Variants in KDM3A observed in about 807,000 individuals in gnomAD.
KDM3A encodes the protein lysine demethylase 3A.
In KDM3A, 60 loss-of-function variants were observed where a neutral mutation model predicts 158.0. The observed-to-expected ratio is 0.38, with a 90% CI of 0.31 to 0.47. The LOEUF (loss-of-function observed/expected upper bound fraction) is 0.47. Ranked by LOEUF, KDM3A falls within the 20% of genes least tolerant of loss-of-function variation. KDM3A has a pLI of 0.99. For missense variants in KDM3A, 1,319 were observed against 1,574.3 expected (o/e 0.84, Z 2.74); for synonymous variants, 608 against 549.3 (o/e 1.11, Z -1.49).
chr2:86,442,368 G>T, intron 2 of KDM3A, 135 bp downstream of exon 2: 1 of 809,838 alleles, frequency 1.2e-6, no homozygotes, highest in East Asian at 2.7e-5. Flanking sequence ...CAGGAAGCTA[G>T]ATCTTGAAAG....
At chr2:86,452,006 A>G (rs1035536575) in intron 4 of KDM3A, among the ~76,000 whole-genome samples, 7 of 152,226 alleles carry the variant, frequency 4.6e-5, no homozygotes, top group East Asian at 1.9e-4. Flanking sequence ...ATATATTTGT[A>G]ACCCCAAATC....
In KDM3A at chr2:86,484,070, G is replaced by A; in HGVS notation, c.3006G>A (p.Gln1002=). 4 of 1,614,004 alleles carry A rather than the reference G, an allele frequency of 2.5e-6. No individual in the cohort carries two copies. Among genetic ancestry groups the A allele is most frequent in the Non-Finnish European group, 3.4e-6 (4 of 1,179,912 alleles). The change falls in exon 19 of 26, where the codon CAG becomes CAA. Residue 1002 remains glutamine (Q), a synonymous_variant. Transcript: ENST00000312912. Reference sequence around the variant, plus strand: ...CCTTCAGGAAAGAGTTTGGTGAGCAGGAAGTAGACCTAGTTAATTGTAGGA... The same window carrying A: ...CCTTCAGGAAAGAGTTTGGTGAGCAAGAAGTAGACCTAGTTAATTGTAGGA... ...PESFRKEFGE[Q]EVDLVNCRTN...
At chr2:86,479,191 A>G (rs553279155) in intron 15 of KDM3A, 3 of 153,642 alleles carry the variant, frequency 2.0e-5, no homozygotes, top group East Asian at 1.9e-4. Flanking sequence ...AATGTAAAAA[A>G]TGTTAATTTT....
chr2:86,456,355 A>G, intron 5 of KDM3A, 87 bp from the exon 6 acceptor site: 1 of 972,944 alleles, frequency 1.0e-6, no homozygotes, highest in Non-Finnish European at 1.5e-6. Flanking sequence ...TTTAAAAAAG[A>G]CTTAGGAAAA....
At chr2:86,478,810 T>TC in intron 15 of KDM3A, 75 bp downstream of exon 15, 1 of 1,453,830 alleles carries the variant, frequency 6.9e-7, no homozygotes, top group Non-Finnish European at 9.5e-7. Context: ...CCCAAGGATT[T>TC]CTATCAGTGC....
intron 20 of KDM3A, among the ~76,000 whole-genome samples, chr2:86,485,234 G>A (rs1674122551): frequency 6.6e-6 from 1 of 152,208 alleles, no homozygotes; most frequent in South Asian, 2.1e-4. Flanking sequence ...TTTAGGCCTG[G>A]CTGACTAATG....
chr2:86,475,085 C>A, intron 12 of KDM3A, 95 bp downstream of exon 12: 1 of 997,016 alleles, frequency 1.0e-6, no homozygotes. Context: ...TTTTTTTTCA[C>A]CCAGAAGTTT....
At position 86,490,948 on chromosome 2, in the gene KDM3A, T is replaced by TCCC; in HGVS notation, c.3641_3642insCCC (p.Leu1214delinsPhePro). 6.2e-7 allele frequency: 1 copy of TCCC among 1,614,000 alleles called. No individual in the cohort carries two copies. The highest frequency in any genetic ancestry group is 8.5e-7 in the Non-Finnish European group (1 of 1,179,878). ...CCTATTCATGATCAAAGCTGGTATT[T>TCCC]AGACCGATCATTAAGAAAACGTCTT... On this transcript the variant is annotated protein_altering_variant, in exon 24 of 26. Transcript: ENST00000312912.
chr2:86,477,837 C>G (rs374400208), intron 12 of KDM3A, 40 bp from the exon 13 acceptor site: 11 of 1,547,986 alleles, frequency 7.1e-6, no homozygotes, highest in Non-Finnish European at 8.7e-6. Context: ...TTCAGAAGCC[C>G]TCTCCTTCCA....
chr2:86,482,409 AT>A (rs1472673754), intron 17 of KDM3A, 48 bp from the exon 18 acceptor site: 2 of 1,589,554 alleles, frequency 1.3e-6, no homozygotes, highest in Middle Eastern at 2.1e-4. Context: ...GAGTTTCTTG[AT>A]GGTAAGGGAA....
chr2:86,465,372 C>A (rs931803515), intron 9 of KDM3A, among the ~76,000 whole-genome samples: 10 of 152,064 alleles, frequency 6.6e-5, no homozygotes, highest in African/African-American at 2.2e-4. Context: ...TTTTGTGCTG[C>A]TGCCAGTTTG....
chr2:86,475,017 T>C (rs1673598961), intron 12 of KDM3A, 27 bp downstream of exon 12: 2 of 1,573,508 alleles, frequency 1.3e-6, no homozygotes. Flanking sequence ...GGGGGTAGGA[T>C]TTTCGAGCCC....
At position 86,490,914 on chromosome 2, in the gene KDM3A, G is replaced by A. The variant is rs762151281; in HGVS notation, c.3607G>A (p.Asp1203Asn). ...AGAGCAAGGTCAAGAAAACCCAGCA[G>A]ACCACGATCCTATTCATGATCAAAG... is the stretch of plus-strand genomic sequence containing the variant. Reference protein sequence around the residue: ...SEEQGQENPADHDPIHDQSWY... With the variant: ...SEEQGQENPANHDPIHDQSWY... The change falls in exon 24 of 26, where the codon GAC (aspartate) becomes AAC (asparagine). Residue 1203 changes from aspartate (D) to asparagine (N), a missense_variant. Transcript: ENST00000312912. The A allele has an allele frequency of 6.2e-7, 1 of 1,613,080 alleles. No homozygotes were observed. Among genetic ancestry groups the A allele is most frequent in the Non-Finnish European group, 8.5e-7 (1 of 1,179,610 alleles).
chr2:86,442,185 G>A lies in KDM3A; in HGVS notation c.138G>A (p.Gly46=), dbSNP rs201831015. The A allele has an allele frequency of 3.7e-6, 6 of 1,613,694 alleles. No homozygotes were observed. Among genetic ancestry groups the A allele is most frequent in the Non-Finnish European group, 5.1e-6 (6 of 1,179,882 alleles). ...TCGCCGAGTGGCCCTGGCTCTCCGG[G>A]ACCATTCGAGCTGTTTCCCACACCG... ...ERVAEWPWLS[G]TIRAVSHTDV... is the part of the protein sequence containing the mutation. The change falls in exon 2 of 26, where the codon GGG becomes GGA. Residue 46 remains glycine, a synonymous_variant. Coordinates refer to ENST00000312912, the MANE Select transcript of KDM3A (RefSeq NM_018433.6).
At chr2:86,456,647 T>G (rs1188035214) in intron 6 of KDM3A, 81 bp downstream of exon 6, 1 of 1,362,958 alleles carries the variant, frequency 7.3e-7, no homozygotes, top group East Asian at 2.3e-5. Flanking sequence ...TTCTAGGCAC[T>G]AAATACCTTT....
chr2:86,451,414 AGTTG>A (rs1257466640), intron 4 of KDM3A, among the ~76,000 whole-genome samples: 3 of 152,202 alleles, frequency 2.0e-5, no homozygotes, highest in African/African-American at 7.2e-5. Flanking sequence ...ATTGATAAAC[AGTTG>A]GTTAACATAT....
rs142454847 is a variant in KDM3A, at chr2:86,482,486, A to C, written c.2714A>C (p.Lys905Thr). 21 of 1,614,024 alleles carry C rather than the reference A, an allele frequency of 1.3e-5. No homozygotes were observed. The highest frequency in any genetic ancestry group is 1.7e-5 in the Non-Finnish European group (20 of 1,180,020). The change falls in exon 18 of 26, where the codon AAA (lysine) becomes ACA (threonine). Residue 905 changes from lysine to threonine, a missense_variant. Around this residue, in one of 4 missense-constraint regions of KDM3A, gnomAD observed 368 missense variants for 415.8 expected, o/e 0.89. Transcript: ENST00000312912. ...KTENGLKNTP[K>T]ILDDIFASLV... ...GAAAATGGACTCAAGAATACACCAA[A>C]AATCCTTGATGACATCTTTGCCTCT...
At chr2:86,460,375 A>G (rs1171012664) in intron 8 of KDM3A, among the ~76,000 whole-genome samples, 1 of 152,160 alleles carries the variant, frequency 6.6e-6, no homozygotes, top group Non-Finnish European at 1.5e-5. Flanking sequence ...GGCCTGGCCT[A>G]GATTTCAGGA....
intron 11 of KDM3A, 107 bp downstream of exon 11, chr2:86,470,515 A>AG: frequency 1.1e-6 from 1 of 886,356 alleles, no homozygotes; most frequent in Non-Finnish European, 1.8e-6. Flanking sequence ...AGAAGTAAAA[A>AG]GGTGGTAGAT....
Sources: allele counts gnomAD v4.1 joint callset (sites outside exome capture counted in the v4.1 genomes callset), GRCh38; gene constraint gnomAD v4.1.1; regional missense constraint gnomAD v4.1.1; transcripts MANE v1.5; gene names NCBI Gene and HGNC (gene_info 2026-07-23, HGNC 2026-07-21).